MED26: variants seen among roughly 807,000 people sequenced by gnomAD.
MED26 encodes mediator of RNA polymerase II transcription subunit 26.
A neutral mutation model predicts 43.7 loss-of-function variants in MED26; 7 were observed. The ratio of observed to expected loss-of-function variants is 0.16; its 90% CI spans 0.09 to 0.30. The LOEUF is 0.30. Ranked by LOEUF, MED26 falls within the 10% of genes least tolerant of loss-of-function variation. The pLI is 1.00. For synonymous variants in MED26, 375 were observed against 371.1 expected, an observed-to-expected ratio of 1.01 and a Z score of -0.12; for missense variants, 784 against 840.6, an observed-to-expected ratio of 0.93 and a Z score of 0.83.
intron 1 of MED26, among the ~76,000 whole-genome samples, chr19:16,609,336 A>AAAAAAAAAAAAGAGAGAGAG (rs765489188): frequency 2.8e-5 from 4 of 142,264 alleles, no homozygotes; most frequent in Admixed American, 6.9e-5. Context: ...AAAAAAAAAA[A>AAAAAAAAAAAAGAGAGAGAG]AGAGAGAGAA....
intron 1 of MED26, among the ~76,000 whole-genome samples, chr19:16,580,137 A>G (rs764425425): frequency 6.6e-6 from 1 of 152,156 alleles, no homozygotes; most frequent in Non-Finnish European, 1.5e-5. Flanking sequence ...CAGGGTGGTC[A>G]CCTCACCCCC....
At chr19:16,615,042 C>T (rs1390549327) in intron 1 of MED26, among the ~76,000 whole-genome samples, 1 of 151,708 alleles carries the variant, frequency 6.6e-6, no homozygotes, top group East Asian at 1.9e-4. Context: ...TCTCTAAATA[C>T]CAGCAAGAAA....
chr19:16,578,271 C>A (rs2086023760), intron 2 of MED26, 64 bp downstream of exon 2: 1 of 1,448,782 alleles, frequency 6.9e-7, no homozygotes, highest in South Asian at 1.1e-5. Context: ...GCGGAAGGAC[C>A]TGGTTGGTAC....
In MED26 at chr19:16,587,537, C is replaced by T. The variant is rs1328827945; in HGVS notation, c.73-9128G>A. The T allele has an allele frequency of 1.3e-5, 2 of 152,258 alleles. No individual in the cohort carries two copies. The highest frequency in any genetic ancestry group is 1.3e-4 in the Admixed American group (2 of 15,290). The allele number at this position is 152,258 out of a possible 1,614,324, so 9.4% of individuals were successfully genotyped here. ...GCCTCAAACCCCAGGGGCAAAGCCT[C>T]AAGTTCACAGCTTCTCAGAGGAAGA... On this transcript the variant is annotated intron_variant, in intron 1 of 2. Coordinates refer to ENST00000263390, the MANE Select transcript of MED26 (RefSeq NM_004831.5). The surrounding 1 kb of genome is among the most constrained non-coding windows in gnomAD (Gnocchi z 4.9).
At chr19:16,595,567 A>G (rs1438016007) in intron 1 of MED26, among the ~76,000 whole-genome samples, 1 of 152,140 alleles carries the variant, frequency 6.6e-6, no homozygotes, top group Non-Finnish European at 1.5e-5. Flanking sequence ...CAGACCCAAG[A>G]ATGGAGACCA....
At chr19:16,626,251 G>A (rs1004409149) in intron 1 of MED26, among the ~76,000 whole-genome samples, 5 of 152,176 alleles carry the variant, frequency 3.3e-5, no homozygotes, top group East Asian at 3.8e-4. Context: ...GAAGGAAAGC[G>A]AGTGCGTGAA....
At position 16,621,517 on chromosome 19, in the gene MED26, A is replaced by G. The variant is rs111839924; in HGVS notation, c.72+6355T>C. Among the ~76,000 whole-genome samples the G allele has an allele frequency of 2.2e-3, 331 of 152,306 alleles. 1 individual carries two copies. The highest frequency in any genetic ancestry group is 7.8e-3 in the African/African-American group (324 of 41,568). Reference sequence around the variant, plus strand: ...GGATGAACCCAGGAAACTTTGCTGCAGTCACAGTAACATCCAAAGGCCTTT... The same window carrying G: ...GGATGAACCCAGGAAACTTTGCTGCGGTCACAGTAACATCCAAAGGCCTTT... On this transcript the variant is annotated intron_variant, in intron 1 of 2. Transcript: ENST00000263390.
chr19:16,591,442 T>C (rs2086097221), intron 1 of MED26, among the ~76,000 whole-genome samples: 1 of 152,192 alleles, frequency 6.6e-6, no homozygotes. Context: ...CCACAAACAC[T>C]TGTGCACTGC....
At chr19:16,614,241 T>C (rs2086212634) in intron 1 of MED26, among the ~76,000 whole-genome samples, 1 of 152,168 alleles carries the variant, frequency 6.6e-6, no homozygotes, top group Non-Finnish European at 1.5e-5. Flanking sequence ...CTAAGGGTAG[T>C]GTCTGGCCCG....
chr19:16,616,517 C>A (rs1219228574), intron 1 of MED26, among the ~76,000 whole-genome samples: 1 of 152,160 alleles, frequency 6.6e-6, no homozygotes, highest in Non-Finnish European at 1.5e-5. Context: ...CCCTGGAGGT[C>A]CAGCTTGCAG....
At chr19:16,624,532 A>G (rs1449321844) in intron 1 of MED26, 1 of 152,234 alleles carries the variant, frequency 6.6e-6, no homozygotes, top group Non-Finnish European at 1.5e-5. Context: ...GCAGCTAGCA[A>G]GCCCTGCCCT....
intron 1 of MED26, among the ~76,000 whole-genome samples, chr19:16,599,222 CT>C (rs2086137001): frequency 6.6e-6 from 1 of 152,138 alleles, no homozygotes; most frequent in Non-Finnish European, 1.5e-5. Context: ...GTGGGTTATA[CT>C]TTTCCCTAGT....
intron 1 of MED26, among the ~76,000 whole-genome samples, chr19:16,580,906 C>T (rs1421510202): frequency 4.6e-5 from 7 of 152,220 alleles, no homozygotes; most frequent in Non-Finnish European, 1.5e-5. Context: ...CGGATCACCT[C>T]CCCATCTCCA....
chr19:16,600,864 C>T (rs1021469843), intron 1 of MED26, among the ~76,000 whole-genome samples: 3 of 152,136 alleles, frequency 2.0e-5, no homozygotes, highest in Admixed American at 6.5e-5. Flanking sequence ...GGAGGCCAGG[C>T]GGGTGGATCA....
chr19:16,616,871 C>A (rs910788046), intron 1 of MED26, among the ~76,000 whole-genome samples: 1 of 152,168 alleles, frequency 6.6e-6, no homozygotes, highest in Admixed American at 6.5e-5. Flanking sequence ...GACACCCCCC[C>A]ACTGCTAGGC....
rs1202265739 is a variant in MED26 at position 16,577,186 on chromosome 19, T to C, written c.644A>G (p.Asp215Gly). 1.2e-6 allele frequency: 2 copies of C among 1,613,320 alleles called. No homozygotes were observed. The highest frequency in any genetic ancestry group is 3.3e-5 in the Admixed American group (2 of 60,034). Residue 215 changes from aspartate to glycine, a missense_variant, in exon 3 of 3, where the codon GAC becomes GGC. Transcript: ENST00000263390. This position sits in a 1 kb window ranked among gnomAD's most constrained non-coding sequence, Gnocchi z 8.1. ...EGSRLERDENDKHSGKIPVNA... is the reference protein window; with the variant it reads ...EGSRLERDENGKHSGKIPVNA... ...GACGGGGATCTTGCCACTGTGCTTGTCATTCTCGTCACGCTCCAGGCGGCT... is the reference window on the plus strand; with the variant it reads ...GACGGGGATCTTGCCACTGTGCTTGCCATTCTCGTCACGCTCCAGGCGGCT...
intron 1 of MED26, among the ~76,000 whole-genome samples, chr19:16,620,124 C>A (rs142502952): frequency 1.3e-3 from 201 of 152,292 alleles, no homozygotes; most frequent in Non-Finnish European, 2.2e-3. Flanking sequence ...CCAGAGAAAG[C>A]ACAGAGCATT....
intron 1 of MED26, among the ~76,000 whole-genome samples, chr19:16,605,476 GGATA>G (rs1297728237): frequency 6.6e-6 from 1 of 152,224 alleles, no homozygotes. Flanking sequence ...AAGGGGAAAT[GGATA>G]GAACACAGAG....
chr19:16,626,250 C>G (rs375624788), intron 1 of MED26, among the ~76,000 whole-genome samples: 5 of 152,104 alleles, frequency 3.3e-5, no homozygotes, highest in Non-Finnish European at 5.9e-5. Context: ...AGAAGGAAAG[C>G]GAGTGCGTGA....
Sources: gnomAD v4.1 joint callset for allele counts (sites outside exome capture counted in the v4.1 genomes callset) on GRCh38, gnomAD v4.1.1 for gene constraint, Gnocchi (gnomAD v3.1) non-coding constraint, MANE v1.5 for transcripts, NCBI Gene and HGNC (gene_info 2026-07-23, HGNC 2026-07-21) for gene names.